CNOT6: variants seen among roughly 807,000 people sequenced by gnomAD.
The protein encoded by CNOT6 is carbon catabolite repression 4 protein.
Under a neutral mutation model 61.2 loss-of-function variants are expected in CNOT6, and 12 were observed. That is an observed-to-expected ratio of 0.20 (90% confidence interval 0.13 to 0.32). The LOEUF (loss-of-function observed/expected upper bound fraction) is 0.32, where lower values mean the gene tolerates loss of function less well. Among genes scored for constraint, CNOT6 ranks in the 10% least tolerant of loss-of-function variants. The pLI is 1.00. For synonymous variants in CNOT6, 225 were observed against 240.6 expected (o/e 0.94, Z 0.60); for missense variants, 405 against 663.9 (o/e 0.61, Z 4.28).
chr5:180,569,479 A>C, intron 10 of CNOT6, 139 bp downstream of exon 10: 1 of 671,146 alleles, frequency 1.5e-6, no homozygotes, highest in South Asian at 2.0e-5. Flanking sequence ...TTTAAACATC[A>C]TGTTGGGGTG....
intron 1 of CNOT6, among the ~76,000 whole-genome samples, chr5:180,521,245 G>A (rs551046079): frequency 2.0e-5 from 3 of 152,308 alleles, no homozygotes; most frequent in Admixed American, 1.3e-4. Flanking sequence ...GAAGAGGAAA[G>A]ACATCTTCCC....
At chr5:180,570,564 A>G (rs1760696375) in intron 10 of CNOT6, among the ~76,000 whole-genome samples, 1 of 152,210 alleles carries the variant, frequency 6.6e-6, no homozygotes, top group African/African-American at 2.4e-5. Flanking sequence ...TCTGAGGAGT[A>G]AAGAGAAAAT....
intron 1 of CNOT6, among the ~76,000 whole-genome samples, chr5:180,523,120 G>A (rs1461131142): frequency 2.0e-5 from 3 of 152,202 alleles, no homozygotes; most frequent in African/African-American, 7.2e-5. Flanking sequence ...GGACACTCAG[G>A]TGTGTGGTAT....
chr5:180,555,085 C>T lies in CNOT6; in HGVS notation c.385+1614C>T, dbSNP rs2127750461. On this transcript the variant is annotated intron_variant, in intron 4 of 11. Transcript: ENST00000261951. Reference sequence around the variant, plus strand: ...GTGGCATCATGATATCGGCTCACTGCAGCCTCCTTCTCCCTGGTTGAAGCA... The same window carrying T: ...GTGGCATCATGATATCGGCTCACTGTAGCCTCCTTCTCCCTGGTTGAAGCA... Among the ~76,000 whole-genome samples, 2 of 151,832 alleles carry T rather than the reference C, an allele frequency of 1.3e-5. 1 individual carries two copies. Among genetic ancestry groups the T allele is most frequent in the South Asian group, 4.2e-4 (2 of 4,798 alleles).
intron 2 of CNOT6, among the ~76,000 whole-genome samples, chr5:180,541,776 A>AT (rs897226068): frequency 6.9e-6 from 1 of 144,528 alleles, no homozygotes; most frequent in Non-Finnish European, 1.5e-5. Flanking sequence ...TTTTTTTGGT[A>AT]TTTTTTTGTT....
chr5:180,542,261 C>T (rs72812969), intron 2 of CNOT6, among the ~76,000 whole-genome samples: 2,865 of 151,128 alleles, frequency 0.019, 38 homozygotes, highest in Non-Finnish European at 0.027. Context: ...CTGGTTTGGG[C>T]TACCAATTTT....
chr5:180,538,686 G>GTA (rs59342527), intron 2 of CNOT6, among the ~76,000 whole-genome samples: 1,058 of 85,048 alleles, frequency 0.012, 14 homozygotes, highest in African/African-American at 0.024. Flanking sequence ...TGAGAAAAAG[G>GTA]TATATATATA....
At chr5:180,503,887 G>A (rs1161775581) in intron 1 of CNOT6, among the ~76,000 whole-genome samples, 5 of 152,188 alleles carry the variant, frequency 3.3e-5, no homozygotes, top group Admixed American at 2.6e-4. Context: ...TTACAGGCGT[G>A]AGCCACTGCG....
At chr5:180,571,116 G>A (rs935136797) in intron 10 of CNOT6, 114 bp from the exon 11 acceptor site, 1 of 699,914 alleles carries the variant, frequency 1.4e-6, no homozygotes, top group Non-Finnish European at 2.4e-6. Context: ...AATGTAAAAG[G>A]AAACATTTTG....
intron 1 of CNOT6, among the ~76,000 whole-genome samples, chr5:180,509,432 A>T (rs1235023016): frequency 6.7e-6 from 1 of 149,260 alleles, no homozygotes; most frequent in Non-Finnish European, 1.5e-5. Flanking sequence ...CCCGGCCCTG[A>T]TTTTTTTTGT....
At position 180,537,583 on chromosome 5, in the gene CNOT6, C is replaced by T. The variant is rs932684902; in HGVS notation, c.112+8195C>T. Among the ~76,000 whole-genome samples the T allele has an allele frequency of 5.9e-5, 9 of 151,970 alleles. No individual in the cohort carries two copies. In the South Asian group the frequency reaches 8.3e-4, roughly 14 times the overall value. On this transcript the variant is annotated intron_variant, in intron 2 of 11. Coordinates refer to ENST00000261951, the MANE Select transcript of CNOT6 (RefSeq NM_001370472.1). ...CTGTGGGTTGTCTTACTCTTTTGACCGTGTCTTTCACAGGGCAGAAGTGCT... is the reference window on the plus strand; with the variant it reads ...CTGTGGGTTGTCTTACTCTTTTGACTGTGTCTTTCACAGGGCAGAAGTGCT...
chr5:180,566,367 TG>T lies in CNOT6; in HGVS notation c.717+393del, dbSNP rs151021486. On this transcript the variant is annotated intron_variant, in intron 7 of 11. Transcript: ENST00000261951. ...GGACTGACTTGGTACACGAACATTT[TG>T]GGTTCTCAGTGCAACTCTCATAGTC... 3.7e-3 allele frequency among the ~76,000 whole-genome samples: 563 copies of T among 152,348 alleles called. 3 individuals are homozygous for T. Among genetic ancestry groups the T allele is most frequent in the African/African-American group, 0.012 (506 of 41,586 alleles).
At chr5:180,570,038 A>T (rs1760665032) in intron 10 of CNOT6, among the ~76,000 whole-genome samples, 1 of 152,142 alleles carries the variant, frequency 6.6e-6, no homozygotes, top group Admixed American at 6.6e-5. Flanking sequence ...CACGTTCTTG[A>T]CATCACAATA....
At chr5:180,525,408 G>T (rs781571415) in intron 1 of CNOT6, among the ~76,000 whole-genome samples, 2 of 151,886 alleles carry the variant, frequency 1.3e-5, no homozygotes, top group African/African-American at 4.8e-5. Context: ...GTGTGGTGGC[G>T]CATGCCTGTA....
chr5:180,538,685 G>GATATATATATAT (rs1758843740), intron 2 of CNOT6, among the ~76,000 whole-genome samples: 2 of 84,246 alleles, frequency 2.4e-5, no homozygotes, highest in African/African-American at 5.4e-5. Flanking sequence ...CTGAGAAAAA[G>GATATATATATAT]GTATATATAT....
intron 1 of CNOT6, among the ~76,000 whole-genome samples, chr5:180,498,745 G>A (rs1265558326): frequency 6.6e-6 from 1 of 152,212 alleles, no homozygotes; most frequent in African/African-American, 2.4e-5. Context: ...GTGGAGAATA[G>A]AGTGGAGGCC....
chr5:180,518,025 G>C (rs1309722210), intron 1 of CNOT6, among the ~76,000 whole-genome samples: 1 of 152,110 alleles, frequency 6.6e-6, no homozygotes, highest in Non-Finnish European at 1.5e-5. Flanking sequence ...TCCTCGTCTT[G>C]ATTACTATAG....
chr5:180,568,725 G>A (rs1457677816), intron 9 of CNOT6, among the ~76,000 whole-genome samples: 2 of 152,120 alleles, frequency 1.3e-5, no homozygotes, highest in Non-Finnish European at 1.5e-5. Context: ...GAAATTTAAT[G>A]TGAAGTATAG....
At chr5:180,548,621 T>C (rs1433066287) in intron 2 of CNOT6, among the ~76,000 whole-genome samples, 2 of 152,234 alleles carry the variant, frequency 1.3e-5, no homozygotes. Context: ...GAGACAGTTA[T>C]AGGGTCTACC....
Sources: allele counts gnomAD v4.1 joint callset (sites outside exome capture counted in the v4.1 genomes callset), GRCh38; gene constraint gnomAD v4.1.1; transcripts MANE v1.5; gene names NCBI Gene and HGNC (gene_info 2026-07-23, HGNC 2026-07-21).